The following APP variants were observed in gnomAD, a reference collection of about 807,000 sequenced individuals.
APP encodes the protein amyloid beta precursor protein.
Under a neutral mutation model 101.4 loss-of-function variants are expected in APP, and 31 were observed. The observed-to-expected ratio is 0.31, with a 90% CI of 0.23 to 0.41. The LOEUF (loss-of-function observed/expected upper bound fraction) is 0.41, where lower values mean the gene tolerates loss of function less well. Among genes scored for constraint, APP ranks in the 10% least tolerant of loss-of-function variants. APP has a pLI of 1.00. For missense variants in APP, 839 were observed against 1,003.7 expected, an observed-to-expected ratio of 0.84 and a Z score of 2.22; for synonymous variants, 366 against 364.4, an observed-to-expected ratio of 1.00 and a Z score of -0.05.
rs1046047554 is a variant in APP, at chr21:25,954,658, C to T, written c.1619G>A (p.Arg540His). ...VMTHLRVIYERMNQSLSLLYN... is the reference protein window; with the variant it reads ...VMTHLRVIYEHMNQSLSLLYN... ...GAGCAGGGAGAGAGACTGATTCATG[C>T]GCTCATAAATCACACGGAGGTGTGT... Residue 540 changes from arginine to histidine, a missense_variant, in exon 13 of 18, where the codon CGC becomes CAC. By Grantham distance (29) the Arg-to-His change is conservative (BLOSUM62 0). Coordinates refer to ENST00000346798, the MANE Select transcript of APP (RefSeq NM_000484.4). The T allele has an allele frequency of 3.7e-6, 6 of 1,613,870 alleles. No homozygotes were observed. The highest frequency in any genetic ancestry group is 5.1e-6 in the Non-Finnish European group (6 of 1,179,940).
At chr21:26,145,803 T>C (rs571460317) in intron 1 of APP, among the ~76,000 whole-genome samples, 52 of 152,350 alleles carry the variant, frequency 3.4e-4, no homozygotes, top group African/African-American at 1.1e-3. Flanking sequence ...TCTGTGATTA[T>C]GCCTGCATTC....
chr21:26,150,610 TAGATAGAC>T (rs993180150), intron 1 of APP, among the ~76,000 whole-genome samples: 9 of 150,394 alleles, frequency 6.0e-5, no homozygotes, highest in Admixed American at 4.7e-4. Context: ...GATAGACAGA[TAGATAGAC>T]AGATAGATAG....
At chr21:26,017,042 CA>C (rs1282569500) in intron 6 of APP, among the ~76,000 whole-genome samples, 3 of 149,118 alleles carry the variant, frequency 2.0e-5, no homozygotes, top group Non-Finnish European at 3.0e-5. Context: ...ACTAAAAATA[CA>C]AAAAAATTAG....
intron 11 of APP, among the ~76,000 whole-genome samples, chr21:25,973,564 T>C (rs1455434515): frequency 6.6e-6 from 1 of 151,994 alleles, no homozygotes; most frequent in Non-Finnish European, 1.5e-5. Context: ...CTATACAAAA[T>C]AAAAACTGAT....
At chr21:26,016,903 A>G (rs1354195260) in intron 6 of APP, among the ~76,000 whole-genome samples, 1 of 136,916 alleles carries the variant, frequency 7.3e-6, no homozygotes, top group African/African-American at 2.9e-5. Context: ...TCGGCCACGC[A>G]TGGTGGCCTG....
rs145273675 is a variant in APP, at chr21:25,905,049, G to A, written c.1938C>T (p.Ala646=). ...EVEPVDARPA[A]DRGLTTRPGS... ...CTGGTCGAGTGGTCAGTCCTCGGTC[G>A]GCAGCAGGGCGGGCATCAACAGGCT... The change falls in exon 15 of 18, where the codon GCC becomes GCT. Residue 646 remains alanine (A), a synonymous_variant. Transcript: ENST00000346798. 15 of 1,613,910 alleles carry A rather than the reference G, an allele frequency of 9.3e-6. No homozygotes were observed. The highest frequency in any genetic ancestry group is 5.0e-5 in the Admixed American group (3 of 60,006).
At chr21:26,082,441 A>G (rs2061617268) in intron 3 of APP, among the ~76,000 whole-genome samples, 1 of 152,210 alleles carries the variant, frequency 6.6e-6, no homozygotes, top group South Asian at 2.1e-4. Flanking sequence ...TGTATACATA[A>G]AAGCAATATA....
chr21:26,151,991 G>A (rs1007249667), intron 1 of APP, among the ~76,000 whole-genome samples: 4 of 152,078 alleles, frequency 2.6e-5, no homozygotes, highest in Admixed American at 2.6e-4. Flanking sequence ...AAAAGCACAT[G>A]TCTGTCTGGG....
intron 5 of APP, among the ~76,000 whole-genome samples, chr21:26,042,340 T>C: frequency 6.6e-6 from 1 of 152,232 alleles, no homozygotes; most frequent in Non-Finnish European, 1.5e-5. Flanking sequence ...CAGGTAAGGC[T>C]ATGAATGTTT....
chr21:25,936,245 G>C (rs1198359483), intron 13 of APP, among the ~76,000 whole-genome samples: 1 of 149,038 alleles, frequency 6.7e-6, no homozygotes, highest in African/African-American at 2.5e-5. Context: ...GATCCAATAG[G>C]ACAGGTGTCC....
At chr21:25,925,607 C>T (rs935889114) in intron 13 of APP, among the ~76,000 whole-genome samples, 1 of 152,214 alleles carries the variant, frequency 6.6e-6, no homozygotes. Flanking sequence ...GACACCACCA[C>T]ACAACAGCCT....
chr21:25,881,836 A>G, intron 17 of APP, 65 bp from the exon 18 acceptor site: 1 of 1,481,822 alleles, frequency 6.7e-7, no homozygotes, highest in Non-Finnish European at 9.3e-7. Flanking sequence ...AACATGGAGA[A>G]GCAGTAAAAA....
At chr21:26,096,173 C>A (rs1038845279) in intron 2 of APP, among the ~76,000 whole-genome samples, 1 of 152,234 alleles carries the variant, frequency 6.6e-6, no homozygotes, top group Non-Finnish European at 1.5e-5. Context: ...CAAACCTCCT[C>A]TGCACACAGT....
intron 13 of APP, among the ~76,000 whole-genome samples, chr21:25,936,724 G>C (rs79093527): frequency 0.035 from 5,272 of 152,268 alleles, 197 homozygotes; most frequent in African/African-American, 0.078. Context: ...AATAATTTCT[G>C]TTGTTGAAGG....
intron 3 of APP, among the ~76,000 whole-genome samples, chr21:26,082,991 A>T (rs1339583860): frequency 1.3e-5 from 2 of 152,258 alleles, no homozygotes; most frequent in Non-Finnish European, 2.9e-5. Context: ...ATTATTTTAA[A>T]TGGCCTTAAG....
chr21:26,159,120 T>C (rs2063433359), intron 1 of APP, among the ~76,000 whole-genome samples: 2 of 152,164 alleles, frequency 1.3e-5, no homozygotes, highest in South Asian at 2.1e-4. Flanking sequence ...TCTCGCTCTG[T>C]TGCCTAGGCT....
At chr21:26,060,079 C>T (rs564104885) in intron 3 of APP, among the ~76,000 whole-genome samples, 2 of 152,200 alleles carry the variant, frequency 1.3e-5, no homozygotes, top group South Asian at 4.2e-4. Context: ...TCCTTCTCCC[C>T]AGTATCTATC....
intron 14 of APP, among the ~76,000 whole-genome samples, chr21:25,910,831 T>C (rs2039035349): frequency 6.6e-6 from 1 of 152,250 alleles, no homozygotes; most frequent in Admixed American, 6.5e-5. Flanking sequence ...TAGTTCTCTA[T>C]CTTTGCCTTT....
At chr21:26,125,579 C>T (rs1269318919) in intron 1 of APP, among the ~76,000 whole-genome samples, 1 of 151,056 alleles carries the variant, frequency 6.6e-6, no homozygotes, top group Non-Finnish European at 1.5e-5. Context: ...ACATTCGGTG[C>T]GGTGTTTAGG....
Sources: gnomAD v4.1 joint callset for allele counts (sites outside exome capture counted in the v4.1 genomes callset) on GRCh38, gnomAD v4.1.1 for gene constraint, MANE v1.5 for transcripts, NCBI Gene and HGNC (gene_info 2026-07-23, HGNC 2026-07-21) for gene names.